The following NSMAF variants were observed in gnomAD, a reference collection of about 807,000 sequenced individuals.
NSMAF encodes the protein protein FAN.
A neutral mutation model predicts 134.9 loss-of-function variants in NSMAF; 90 were observed. The ratio of observed to expected loss-of-function variants is 0.67; its 90% CI spans 0.56 to 0.79. NSMAF has a LOEUF of 0.79. Among genes scored for constraint, NSMAF ranks in the 30% least tolerant of loss-of-function variants. The probability of loss-of-function intolerance (pLI) is 0.00; values close to 1 mark genes in which losing one functional copy is unlikely to be tolerated. For synonymous variants in NSMAF, 358 were observed against 389.6 expected (o/e 0.92, Z 0.96); for missense variants, 1,010 against 1,119.0 (o/e 0.90, Z 1.39).
At chr8:58,584,654 G>T (rs987946329) in intron 30 of NSMAF, among the ~76,000 whole-genome samples, 1 of 151,902 alleles carries the variant, frequency 6.6e-6, no homozygotes, top group Admixed American at 6.6e-5. Context: ...CATTTTTTTT[G>T]AAATAGTCTC....
intron 1 of NSMAF, among the ~76,000 whole-genome samples, chr8:58,650,349 A>G (rs1282112582): frequency 1.3e-5 from 2 of 152,300 alleles, no homozygotes; most frequent in East Asian, 3.9e-4. Context: ...TTTTGAAATT[A>G]ACTATGTATA....
chr8:58,631,289 CTT>C, intron 6 of NSMAF: 4 of 319,528 alleles, frequency 1.3e-5, no homozygotes, highest in Non-Finnish European at 2.3e-5. Context: ...TTTTTAGGCA[CTT>C]TTTTTTTTAA....
At chr8:58,592,570 A>C (rs1023287085) in intron 23 of NSMAF, among the ~76,000 whole-genome samples, 2 of 152,156 alleles carry the variant, frequency 1.3e-5, no homozygotes, top group Non-Finnish European at 1.5e-5. Context: ...AAACAGAAAA[A>C]AACAAAAGCT....
intron 1 of NSMAF, among the ~76,000 whole-genome samples, chr8:58,649,351 T>G (rs1807530094): frequency 6.6e-6 from 1 of 152,196 alleles, no homozygotes. Flanking sequence ...TTTTACAGGC[T>G]CATAGGTGGA....
In NSMAF at chr8:58,589,485, C is replaced by T; in HGVS notation, c.2178G>A (p.Arg726=). Residue 726 remains arginine, a synonymous_variant, in exon 26 of 31, where the codon AGG becomes AGA. Transcript: ENST00000038176. ...AVSKICWHDN[R]LYSASWDSTV... ...TAGAGTCCCACGATGCAGAATATAG[C>T]CTGTTGTCATGCCAACAGATCTTAC... is the stretch of plus-strand genomic sequence containing the variant. 2 of 1,557,124 alleles carry T rather than the reference C, an allele frequency of 1.3e-6. No individual in the cohort carries two copies. Among genetic ancestry groups the T allele is most frequent in the Admixed American group, 4.4e-5 (2 of 45,512 alleles).
intron 1 of NSMAF, among the ~76,000 whole-genome samples, chr8:58,655,029 G>A (rs1225259051): frequency 6.6e-6 from 1 of 151,946 alleles, no homozygotes; most frequent in Non-Finnish European, 1.5e-5. Context: ...AGTAGAGACA[G>A]GGTTTCACCA....
intron 23 of NSMAF, among the ~76,000 whole-genome samples, chr8:58,591,593 T>C (rs545154125): frequency 6.6e-6 from 1 of 150,992 alleles, no homozygotes; most frequent in East Asian, 2.0e-4. Context: ...TTCAAGCAAT[T>C]CTTGTGCCTC....
chr8:58,620,950 C>T (rs1357305556), intron 9 of NSMAF, among the ~76,000 whole-genome samples: 1 of 152,030 alleles, frequency 6.6e-6, no homozygotes. Context: ...TTTTTATTAT[C>T]TTTTAACTTT....
chr8:58,616,949 A>C (rs996473273), intron 9 of NSMAF, among the ~76,000 whole-genome samples: 1 of 152,186 alleles, frequency 6.6e-6, no homozygotes, highest in Non-Finnish European at 1.5e-5. Context: ...TTGGAAAATA[A>C]ATTTTCAATA....
chr8:58,642,940 T>C (rs1267707402), intron 2 of NSMAF, 44 bp downstream of exon 2: 2 of 1,370,658 alleles, frequency 1.5e-6, no homozygotes, highest in South Asian at 2.3e-5. Flanking sequence ...AGTTCAGATA[T>C]CAGAAAGGTT....
Position 58,609,678 on chromosome 8 carries a change from G to T in NSMAF, c.613C>A (p.Pro205Thr). ...ACGTGTCCAGGATTAGTCACCAGAG[G>T]CGTCACCATTTCTGCTTTGCATTCC... ...HMECKAEMVTPLVTNPGHVCI... is the reference protein window; with the variant it reads ...HMECKAEMVTTLVTNPGHVCI... Residue 205 changes from proline to threonine, a missense_variant, in exon 10 of 31, where the codon CCT becomes ACT. Physicochemically the swap from Pro to Thr is conservative, Grantham distance 38. Transcript: ENST00000038176. The T allele has an allele frequency of 6.2e-7, 1 of 1,614,134 alleles. No individual in the cohort carries two copies. The highest frequency in any genetic ancestry group is 8.5e-7 in the Non-Finnish European group (1 of 1,179,984).
At position 58,586,453 on chromosome 8, in the gene NSMAF, T is replaced by G; in HGVS notation, c.2446+5A>C. On this transcript the variant is annotated splice_donor_5th_base_variant and intron_variant, in intron 28 of 30. Coordinates refer to ENST00000038176, the MANE Select transcript of NSMAF (RefSeq NM_003580.4). Reference sequence around the variant, plus strand: ...ATTATCTGTTTTAAAAAGGATAATATCTACCTGGGCTAAAAGCAGTGTCAC... The same window carrying G: ...ATTATCTGTTTTAAAAAGGATAATAGCTACCTGGGCTAAAAGCAGTGTCAC... The G allele has an allele frequency of 6.2e-7, 1 of 1,613,022 alleles. No homozygotes were observed. Among genetic ancestry groups the G allele is most frequent in the African/African-American group, 1.3e-5 (1 of 74,694 alleles).
intron 12 of NSMAF, 38 bp downstream of exon 12, chr8:58,605,889 A>G: frequency 6.6e-7 from 1 of 1,517,868 alleles, no homozygotes; most frequent in Non-Finnish European, 8.8e-7. Context: ...CCAAAAAAAA[A>G]AAAAAAAGAA....
In NSMAF at chr8:58,610,893, A is replaced by T. The variant is rs545025850; in HGVS notation, c.558-1160T>A. Among the ~76,000 whole-genome samples the T allele has an allele frequency of 4.4e-4, 67 of 152,226 alleles. 1 individual carries two copies. The highest frequency in any genetic ancestry group is 3.4e-3 in the Middle Eastern group (1 of 294). On this transcript the variant is annotated intron_variant, in intron 9 of 30. Coordinates refer to ENST00000038176, the MANE Select transcript of NSMAF (RefSeq NM_003580.4). The stretch of plus-strand genomic sequence containing the variant: ...TCCTGTGGAAGAGAAAGTCTTTATC[A>T]CTCCCTCAATAGAGTTGTAGGCAGT...
Position 58,584,042 on chromosome 8 carries a change from A to C in NSMAF, c.*64T>G. 1 of 1,245,124 alleles carries C rather than the reference A, an allele frequency of 8.0e-7. No homozygotes were observed. Among genetic ancestry groups the C allele is most frequent in the Non-Finnish European group, 1.2e-6 (1 of 844,966 alleles). 77.1% of individuals were successfully genotyped at this position (1,245,124 alleles called of 1,614,324 possible). On this transcript the variant is annotated 3_prime_UTR_variant, in exon 31 of 31. Transcript: ENST00000038176. Reference sequence around the variant, plus strand: ...ACATTGCACATTCACCAGTCCGTTTAAAAGTTTGGTTTAAAAATGCATTAA... The same window carrying C: ...ACATTGCACATTCACCAGTCCGTTTCAAAGTTTGGTTTAAAAATGCATTAA...
intron 2 of NSMAF, among the ~76,000 whole-genome samples, chr8:58,640,933 T>G (rs1044075981): frequency 1.5e-4 from 23 of 152,216 alleles, no homozygotes; most frequent in East Asian, 5.8e-4. Flanking sequence ...TTGATTGATT[T>G]ATTTTTGAGA....
At position 58,659,741 on chromosome 8, in the gene NSMAF, C is replaced by T; in HGVS notation, c.-110G>A. 1.2e-6 allele frequency: 1 copy of T among 862,950 alleles called. No individual in the cohort carries two copies. Among genetic ancestry groups the T allele is most frequent in the Non-Finnish European group, 1.5e-6 (1 of 654,440 alleles). The allele number at this position is 862,950 out of a possible 1,614,324, so 53.5% of individuals were successfully genotyped here. A position where few individuals can be genotyped will look rare whatever the true frequency, so the allele number is the denominator to read the frequency against. ...GGGATTGGTGGCCGGCTGGGGAGCG[C>T]GCGGCTGCCGGCCTGGCTTCCCCTG... On this transcript the variant is annotated 5_prime_UTR_variant, in exon 1 of 31. Transcript: ENST00000038176.
intron 6 of NSMAF, among the ~76,000 whole-genome samples, chr8:58,626,326 C>T (rs1162395785): frequency 6.6e-6 from 1 of 152,018 alleles, no homozygotes; most frequent in African/African-American, 2.4e-5. Flanking sequence ...GATCTCCTGA[C>T]CTCGTGATCT....
intron 27 of NSMAF, among the ~76,000 whole-genome samples, chr8:58,587,235 G>A (rs1805906411): frequency 1.3e-5 from 2 of 152,192 alleles, no homozygotes; most frequent in Non-Finnish European, 2.9e-5. Flanking sequence ...TGTTGGATGG[G>A]TGTCTCCTGG....
Sources: gnomAD v4.1 joint callset for allele counts (sites outside exome capture counted in the v4.1 genomes callset) on GRCh38, gnomAD v4.1.1 for gene constraint, MANE v1.5 for transcripts, NCBI Gene and HGNC (gene_info 2026-07-23, HGNC 2026-07-21) for gene names.